Variants in UTRN observed in about 807,000 individuals in gnomAD.
UTRN encodes the protein dystrophin-related protein 1.
A neutral mutation model predicts 463.9 loss-of-function variants in UTRN; 283 were observed. The ratio of observed to expected loss-of-function variants is 0.61; its 90% CI spans 0.55 to 0.67. The LOEUF is 0.67. Ranked by LOEUF, UTRN falls within the 30% of genes least tolerant of loss-of-function variation. The pLI, the probability that UTRN is intolerant of heterozygous loss-of-function variation, is 0.00. For missense variants in UTRN, 3,922 were observed against 4,084.3 expected (o/e 0.96, Z 1.08); for synonymous variants, 1,442 against 1,431.5 (o/e 1.01, Z -0.17).
intron 9 of UTRN, among the ~76,000 whole-genome samples, chr6:144,434,308 G>A (rs762467756): frequency 1.3e-5 from 2 of 151,028 alleles, no homozygotes; most frequent in East Asian, 1.9e-4. Context: ...GTCCAGCTTC[G>A]GCTCGGCATC....
intron 50 of UTRN, among the ~76,000 whole-genome samples, chr6:144,571,924 C>A (rs998032384): frequency 2.0e-5 from 3 of 152,182 alleles, no homozygotes; most frequent in African/African-American, 7.2e-5. Flanking sequence ...AGGCCTGCTG[C>A]ACAGCCATCA....
At chr6:144,695,707 A>G (rs1009296660) in intron 52 of UTRN, among the ~76,000 whole-genome samples, 5 of 152,186 alleles carry the variant, frequency 3.3e-5, no homozygotes, top group Non-Finnish European at 5.9e-5. Context: ...CAATACATAC[A>G]ATGATAAATT....
chr6:144,411,251 T>A (rs1329387927), intron 3 of UTRN, among the ~76,000 whole-genome samples: 1 of 152,218 alleles, frequency 6.6e-6, no homozygotes, highest in East Asian at 1.9e-4. Context: ...TTACAGCCAT[T>A]CATGCAGGAG....
intron 1 of UTRN, among the ~76,000 whole-genome samples, chr6:144,288,802 G>C (rs540849378): frequency 7.2e-6 from 1 of 138,940 alleles, no homozygotes; most frequent in African/African-American, 2.7e-5. Flanking sequence ...CCACTCGGTC[G>C]TCAAGGCTGG....
chr6:144,765,954 A>G (rs1185811058), intron 58 of UTRN, among the ~76,000 whole-genome samples: 1 of 152,022 alleles, frequency 6.6e-6, no homozygotes, highest in East Asian at 1.9e-4. Flanking sequence ...TTCTAAAAGT[A>G]TATCTTTGGA....
chr6:144,435,089 G>A (rs551506227), intron 9 of UTRN, among the ~76,000 whole-genome samples: 53 of 152,240 alleles, frequency 3.5e-4, no homozygotes, highest in African/African-American at 1.2e-3. Flanking sequence ...GAAGTTAAAG[G>A]GAATGTTAAC....
At chr6:144,617,737 C>T (rs911256297) in intron 51 of UTRN, among the ~76,000 whole-genome samples, 2 of 152,102 alleles carry the variant, frequency 1.3e-5, no homozygotes, top group African/African-American at 4.8e-5. Flanking sequence ...AAATGTCCAT[C>T]AGTCTTGCTC....
chr6:144,707,441 C>A (rs1020337178), intron 53 of UTRN, among the ~76,000 whole-genome samples: 1 of 152,148 alleles, frequency 6.6e-6, no homozygotes, highest in African/African-American at 2.4e-5. Flanking sequence ...TGGGAGAACA[C>A]AGGAATAGCA....
chr6:144,850,073 T>C (rs1284884137), intron 74 of UTRN, among the ~76,000 whole-genome samples: 2 of 152,170 alleles, frequency 1.3e-5, no homozygotes, highest in African/African-American at 2.4e-5. Context: ...CAGTGTTTGC[T>C]GAATTTTTGC....
intron 60 of UTRN, among the ~76,000 whole-genome samples, chr6:144,780,050 A>G (rs914751064): frequency 6.6e-6 from 1 of 152,220 alleles, no homozygotes; most frequent in African/African-American, 2.4e-5. Context: ...TAAAAAATAA[A>G]TAATTCTGTG....
At chr6:144,752,197 G>T (rs149729194) in intron 56 of UTRN, among the ~76,000 whole-genome samples, 3 of 152,082 alleles carry the variant, frequency 2.0e-5, no homozygotes, top group South Asian at 2.1e-4. Flanking sequence ...AATTGCAAAA[G>T]GTTAAATAAA....
At chr6:144,565,888 G>T (rs989238885) in intron 50 of UTRN, among the ~76,000 whole-genome samples, 2 of 152,144 alleles carry the variant, frequency 1.3e-5, no homozygotes, top group Admixed American at 6.5e-5. Context: ...GTAGTGCTTA[G>T]TGTGGGGGCT....
At chr6:144,387,736 G>C (rs1035286407) in intron 2 of UTRN, among the ~76,000 whole-genome samples, 26 of 152,160 alleles carry the variant, frequency 1.7e-4, no homozygotes, top group African/African-American at 5.3e-4. Flanking sequence ...ATCCAGTTTA[G>C]GAGCTTAGCT....
chr6:144,576,190 A>G (rs975794113), intron 50 of UTRN, among the ~76,000 whole-genome samples: 1 of 152,204 alleles, frequency 6.6e-6, no homozygotes, highest in Non-Finnish European at 1.5e-5. Flanking sequence ...CTAGTTGGCC[A>G]TTATAGATAA....
At chr6:144,383,662 A>G (rs1053587001) in intron 2 of UTRN, among the ~76,000 whole-genome samples, 9 of 152,224 alleles carry the variant, frequency 5.9e-5, no homozygotes, top group Non-Finnish European at 1.2e-4. Flanking sequence ...CAAGGTGAAT[A>G]TTTTAACTGG....
intron 40 of UTRN, 73 bp from the exon 41 acceptor site, chr6:144,522,943 A>T: frequency 1.8e-6 from 2 of 1,128,776 alleles, no homozygotes; most frequent in Non-Finnish European, 2.5e-6. Flanking sequence ...TACAATATAA[A>T]TATCTGGTCA....
In UTRN at chr6:144,493,385, A is replaced by G. The variant is rs1369229298; in HGVS notation, c.4522A>G (p.Thr1508Ala). 6.2e-7 allele frequency: 1 copy of G among 1,614,000 alleles called. No individual in the cohort carries two copies. Among genetic ancestry groups the G allele is most frequent in the Non-Finnish European group, 8.5e-7 (1 of 1,179,982 alleles). Residue 1508 changes from threonine to alanine, a missense_variant, in exon 33 of 75, where the codon ACG (threonine) becomes GCG (alanine). Around this residue, in one of 3 missense-constraint regions of UTRN, gnomAD observed 2,349 missense variants for 2,303.8 expected, o/e 1.02. Coordinates refer to ENST00000367545, the MANE Select transcript of UTRN (RefSeq NM_007124.3). ...TGRHIVQKQQ[T>A]DNPKGMDEQL... is the part of the protein sequence containing the mutation. Reference sequence around the variant, plus strand: ...AAGACATATTGTCCAGAAACAGCAAACGGACAACCCAAAAGGGATGGATGA... The same window carrying G: ...AAGACATATTGTCCAGAAACAGCAAGCGGACAACCCAAAAGGGATGGATGA...
intron 43 of UTRN, 109 bp downstream of exon 43, chr6:144,533,369 T>C: frequency 6.7e-7 from 1 of 1,482,446 alleles, no homozygotes; most frequent in Middle Eastern, 2.5e-4. Context: ...ATAATAGGAA[T>C]TTTACTGACA....
chr6:144,683,458 G>A (rs1413578149), intron 52 of UTRN, among the ~76,000 whole-genome samples: 1 of 152,108 alleles, frequency 6.6e-6, no homozygotes, highest in Non-Finnish European at 1.5e-5. Context: ...AATCTGTAGA[G>A]GCAATCCACC....
Sources: gnomAD v4.1 joint callset for allele counts (sites outside exome capture counted in the v4.1 genomes callset) on GRCh38, gnomAD v4.1.1 for gene constraint, gnomAD v4.1.1 regional missense constraint, MANE v1.5 for transcripts, NCBI Gene and HGNC (gene_info 2026-07-23, HGNC 2026-07-21) for gene names.